ACTR10: variants seen among roughly 807,000 people sequenced by gnomAD.
ACTR10 encodes the protein actin related protein 10, also known as actin-related protein 10.
ACTR10 carries 43 observed loss-of-function variants against 56.2 expected under a neutral mutation model. That is an observed-to-expected ratio of 0.77 (90% confidence interval 0.60 to 0.99). ACTR10 has a LOEUF of 0.99. Among genes scored for constraint, ACTR10 ranks in the 50% least tolerant of loss-of-function variants. ACTR10 has a pLI of 0.00. For missense variants in ACTR10, 466 were observed against 507.8 expected (o/e 0.92, Z 0.79); for synonymous variants, 170 against 176.3 (o/e 0.96, Z 0.28).
intron 10 of ACTR10, among the ~76,000 whole-genome samples, chr14:58,224,505 C>T (rs1889353841): frequency 6.6e-6 from 1 of 152,032 alleles, no homozygotes; most frequent in Admixed American, 6.5e-5. Flanking sequence ...CCTTGGCCTC[C>T]CAAAGTGCTG....
intron 12 of ACTR10, among the ~76,000 whole-genome samples, chr14:58,233,891 T>G (rs1349708141): frequency 6.6e-6 from 1 of 152,236 alleles, no homozygotes; most frequent in Non-Finnish European, 1.5e-5. Context: ...CAAATTGATT[T>G]AGTAATGGAA....
intron 1 of ACTR10, among the ~76,000 whole-genome samples, chr14:58,201,552 G>A (rs1888704048): frequency 6.6e-6 from 1 of 152,144 alleles, no homozygotes; most frequent in African/African-American, 2.4e-5. Flanking sequence ...TTGGGAATAC[G>A]AGGAGAGCAG....
At chr14:58,223,367 ACCTCAGGTGATCCGCCT>A (rs1275130461) in intron 8 of ACTR10, 95 of 382,144 alleles carry the variant, frequency 2.5e-4, no homozygotes, top group African/African-American at 1.9e-3. Context: ...CGAACTCCTG[ACCTCAGGTGATCCGCCT>A]GCCTCGGCCT....
At chr14:58,233,240 C>A (rs1042673572) in intron 12 of ACTR10, among the ~76,000 whole-genome samples, 1 of 152,064 alleles carries the variant, frequency 6.6e-6, no homozygotes, top group African/African-American at 2.4e-5. Flanking sequence ...AAATTGGCCT[C>A]TTTAATTTAT....
chr14:58,201,907 G>C (rs74818253), intron 1 of ACTR10, among the ~76,000 whole-genome samples: 22 of 151,882 alleles, frequency 1.4e-4, no homozygotes, highest in African/African-American at 4.8e-4. Context: ...GGAGGCCAAG[G>C]GGGGAGGATC....
At chr14:58,226,288 T>G (rs915706991) in intron 10 of ACTR10, among the ~76,000 whole-genome samples, 1 of 151,762 alleles carries the variant, frequency 6.6e-6, no homozygotes, top group African/African-American at 2.4e-5. Flanking sequence ...ATTAAAAAAA[T>G]TTTTTTGTAG....
At chr14:58,202,740 T>C in intron 1 of ACTR10, 115 bp from the exon 2 acceptor site, 1 of 668,542 alleles carries the variant, frequency 1.5e-6, no homozygotes, top group Middle Eastern at 4.1e-4. Context: ...ATACATCAGG[T>C]ATTTTCAAAT....
chr14:58,229,599 A>G (rs1377358717), intron 10 of ACTR10, among the ~76,000 whole-genome samples: 3 of 151,492 alleles, frequency 2.0e-5, no homozygotes, highest in African/African-American at 7.3e-5. Context: ...AATGGCGTGA[A>G]TCCAGGAGGC....
At chr14:58,216,939 G>A (rs1429603844) in intron 7 of ACTR10, among the ~76,000 whole-genome samples, 1 of 152,200 alleles carries the variant, frequency 6.6e-6, no homozygotes, top group Non-Finnish European at 1.5e-5. Context: ...TATAGTGCTA[G>A]GGCATTGAAT....
chr14:58,208,312 A>ATT lies in ACTR10; in HGVS notation c.233+295_233+296insTT, dbSNP rs1888915532. ...TCTTTAAAAAGAGTTCTGCATCTGT[A>ATT]TGTAGTAGTACAGGAAGGTGTGTGG... On this transcript the variant is annotated intron_variant, in intron 3 of 12. Transcript: ENST00000254286. Among the ~76,000 whole-genome samples, 4 of 152,316 alleles carry ATT rather than the reference A, an allele frequency of 2.6e-5. No individual in the cohort carries two copies. The East Asian group carries it at 7.7e-4, about 29-fold the overall frequency.
intron 1 of ACTR10, among the ~76,000 whole-genome samples, chr14:58,202,648 A>G (rs1453481391): frequency 6.6e-6 from 1 of 152,000 alleles, no homozygotes; most frequent in African/African-American, 2.4e-5. Flanking sequence ...CACGAATTTC[A>G]TAGAATTTTT....
chr14:58,234,047 TATTG>T (rs1889608453), intron 12 of ACTR10, among the ~76,000 whole-genome samples: 1 of 152,190 alleles, frequency 6.6e-6, no homozygotes, highest in South Asian at 2.1e-4. Flanking sequence ...CTCAGAATCT[TATTG>T]ATTGTATTTA....
intron 1 of ACTR10, among the ~76,000 whole-genome samples, chr14:58,201,772 G>C (rs1888708989): frequency 2.0e-5 from 3 of 152,190 alleles, no homozygotes; most frequent in African/African-American, 7.2e-5. Context: ...TTGGAAAGCT[G>C]AGGCGGGCTG....
intron 6 of ACTR10, among the ~76,000 whole-genome samples, chr14:58,214,070 T>A (rs966222198): frequency 3.9e-5 from 6 of 152,344 alleles, no homozygotes; most frequent in African/African-American, 1.4e-4. Flanking sequence ...AAGTTATTAT[T>A]GTCTACAGTC....
chr14:58,209,193 T>G (rs1888938483), intron 4 of ACTR10, 86 bp downstream of exon 4: 2 of 974,042 alleles, frequency 2.1e-6, no homozygotes, highest in African/African-American at 3.3e-5. Context: ...AGGGAATCTT[T>G]CTTCTCTTTT....
At chr14:58,210,476 A>G (rs1888966790) in intron 4 of ACTR10, among the ~76,000 whole-genome samples, 1 of 152,162 alleles carries the variant, frequency 6.6e-6, no homozygotes, top group Admixed American at 6.5e-5. Flanking sequence ...AGCCTGGGCA[A>G]TGGAGCAAGA....
Position 58,234,657 on chromosome 14 carries a change from G to C in ACTR10, c.*106G>C. ...TTTGTTATAGAGGACTATAGTGGAA[G>C]TGAAAGCATTCTGTGTTTACTCTTT... On this transcript the variant is annotated 3_prime_UTR_variant, in exon 13 of 13. Coordinates refer to ENST00000254286, the MANE Select transcript of ACTR10 (RefSeq NM_018477.3). The C allele has an allele frequency of 9.7e-7, 1 of 1,033,000 alleles. No individual in the cohort carries two copies. The highest frequency in any genetic ancestry group is 1.4e-6 in the Non-Finnish European group (1 of 734,860). The allele number at this position is 1,033,000 out of a possible 1,614,324, so 64.0% of individuals were successfully genotyped here.
chr14:58,202,798 T>A, intron 1 of ACTR10, 57 bp from the exon 2 acceptor site: 1 of 1,233,130 alleles, frequency 8.1e-7, no homozygotes, highest in South Asian at 1.3e-5. Flanking sequence ...AATTAGTTTC[T>A]GTGACAAATA....
chr14:58,234,331 G>C (rs763550536), intron 12 of ACTR10, 39 bp from the exon 13 acceptor site: 2 of 1,508,550 alleles, frequency 1.3e-6, no homozygotes, highest in Non-Finnish European at 1.8e-6. Context: ...TCTGGTAAAA[G>C]TTTTCATCTT....
Sources: allele counts gnomAD v4.1 joint callset (sites outside exome capture counted in the v4.1 genomes callset), GRCh38; gene constraint gnomAD v4.1.1; transcripts MANE v1.5; gene names NCBI Gene and HGNC (gene_info 2026-07-23, HGNC 2026-07-21).